Variants in DNAH10 observed in about 807,000 individuals in gnomAD.
DNAH10 encodes axonemal beta dynein heavy chain 10.
Under a neutral mutation model 506.6 loss-of-function variants are expected in DNAH10, and 348 were observed. The observed-to-expected ratio is 0.69, with a 90% CI of 0.63 to 0.75. The LOEUF (loss-of-function observed/expected upper bound fraction) is 0.75. DNAH10 is among the 30% of genes least tolerant of loss of function. The pLI, the probability that DNAH10 is intolerant of heterozygous loss-of-function variation, is 0.00. For synonymous variants in DNAH10, 2,059 were observed against 2,198.6 expected, an observed-to-expected ratio of 0.94 and a Z score of 1.78; for missense variants, 5,179 against 5,787.1, an observed-to-expected ratio of 0.89 and a Z score of 3.41.
intron 56 of DNAH10, among the ~76,000 whole-genome samples, chr12:123,900,549 C>T (rs1156305215): frequency 6.6e-6 from 1 of 152,324 alleles, no homozygotes; most frequent in East Asian, 1.9e-4. Context: ...GTTTTTCTTT[C>T]CCCATTGCCA....
At chr12:123,860,174 C>CA (rs1951560579) in intron 38 of DNAH10, among the ~76,000 whole-genome samples, 1 of 152,146 alleles carries the variant, frequency 6.6e-6, no homozygotes, top group African/African-American at 2.4e-5. Flanking sequence ...GATAGCCCGG[C>CA]AAAAATCTAA....
Position 123,914,326 on chromosome 12 carries a change from CA to C in DNAH10, c.10353-2del. 1 of 1,610,534 alleles carries C rather than the reference CA, an allele frequency of 6.2e-7. No individual in the cohort carries two copies. On this transcript the variant is annotated splice_acceptor_variant, in intron 60 of 78. Coordinates refer to ENST00000673944, the MANE Select transcript of DNAH10 (RefSeq NM_001372106.1). LOFTEE classifies it high-confidence loss of function. ...CGGCAGCCTCCCTCTCCTCCCGTGC[CA>C]GGTGGCTGAACGACCTGGATGAGCT...
At chr12:123,914,252 C>A in intron 60 of DNAH10, 77 bp from the exon 61 acceptor site, 2 of 1,354,092 alleles carry the variant, frequency 1.5e-6, no homozygotes, top group Non-Finnish European at 2.1e-6. Context: ...AGGTATCAAG[C>A]TGGTTCTTCT....
rs764420816 is a variant in DNAH10 at position 123,909,264 on chromosome 12, G to A, written c.9819G>A (p.Ser3273=). ...ACGTGCCTTGGTTTCTTGCCAGGTC[G>A]TTTGCTAAGCCCCCGAAGCAGGTGC... The part of the protein sequence containing the change: ...LDKSDVTEIR[S]FAKPPKQVQT... Residue 3273 remains serine, a synonymous_variant, in exon 58 of 79, where the codon TCG becomes TCA. Transcript: ENST00000673944. This position sits in a 1 kb window ranked among gnomAD's most constrained non-coding sequence, Gnocchi z 5.4. 11 of 1,612,768 alleles carry A rather than the reference G, an allele frequency of 6.8e-6. No individual in the cohort carries two copies. The East Asian group carries it at 1.3e-4, about 20-fold the overall frequency.
At chr12:123,766,907 T>TC (rs1202144978) in intron 1 of DNAH10, among the ~76,000 whole-genome samples, 1 of 140,508 alleles carries the variant, frequency 7.1e-6, no homozygotes, top group Non-Finnish European at 1.5e-5. Context: ...TTTTCTTTTT[T>TC]CTTTTTTTTT....
At chr12:123,803,495 C>G (rs953888919) in intron 16 of DNAH10, among the ~76,000 whole-genome samples, 166 bp from the exon 17 acceptor site, 1 of 152,166 alleles carries the variant, frequency 6.6e-6, no homozygotes, top group Non-Finnish European at 1.5e-5. Context: ...GTCCCAGTCC[C>G]TTAGGGTTCA....
intron 58 of DNAH10, 22 bp from the exon 59 acceptor site, chr12:123,910,514 A>AT: frequency 6.2e-7 from 1 of 1,602,490 alleles, no homozygotes; most frequent in Non-Finnish European, 8.5e-7. Flanking sequence ...ACTCATAAAA[A>AT]TTATTGCATG....
Position 123,909,484 on chromosome 12 carries a change from G to A in DNAH10, c.9997+42G>A, listed in dbSNP as rs1212328191. 3 of 1,503,272 alleles carry A rather than the reference G, an allele frequency of 2.0e-6. No individual in the cohort carries two copies. Among genetic ancestry groups the A allele is most frequent in the Non-Finnish European group, 1.8e-6 (2 of 1,121,114 alleles). 93.1% of individuals were successfully genotyped at this position (1,503,272 alleles called of 1,614,324 possible). A position where few individuals can be genotyped will look rare whatever the true frequency, so the allele number is the denominator to read the frequency against. ...GTGGGAATCGCCAGGGTGGATCTCG[G>A]TCTGGCATCTCAGGCTCTGGGACAG... On this transcript the variant is annotated intron_variant, in intron 58 of 78. Coordinates refer to ENST00000673944, the MANE Select transcript of DNAH10 (RefSeq NM_001372106.1). The surrounding 1 kb of genome is among the most constrained non-coding windows in gnomAD (Gnocchi z 5.4).
chr12:123,894,831 C>G (rs902902659), intron 54 of DNAH10, 108 bp downstream of exon 54: 1 of 994,876 alleles, frequency 1.0e-6, no homozygotes, highest in Non-Finnish European at 1.5e-6. Context: ...CTGGAAAACC[C>G]TATGGTAACA....
At chr12:123,914,241 A>C in intron 60 of DNAH10, 88 bp from the exon 61 acceptor site, 5 of 1,212,178 alleles carry the variant, frequency 4.1e-6, no homozygotes, top group Non-Finnish European at 5.8e-6. Flanking sequence ...CCCTGTTAGC[A>C]AGGTATCAAG....
At chr12:123,791,588 T>G (rs1009144378) in intron 11 of DNAH10, among the ~76,000 whole-genome samples, 1 of 152,196 alleles carries the variant, frequency 6.6e-6, no homozygotes, top group Non-Finnish European at 1.5e-5. Context: ...TTATTTTTTA[T>G]TTTTTAGGGA....
chr12:123,923,962 C>T lies in DNAH10; in HGVS notation c.11611+95C>T, dbSNP rs901843983. The T allele has an allele frequency of 9.2e-6, 9 of 980,140 alleles. No homozygotes were observed. The African/African-American group carries it at 1.5e-4, about 16-fold the overall frequency. The allele number at this position is 980,140 out of a possible 1,614,324, so 60.7% of individuals were successfully genotyped here. A position where few individuals can be genotyped will look rare whatever the true frequency, so the allele number is the denominator to read the frequency against. On this transcript the variant is annotated intron_variant, in intron 66 of 78. Coordinates refer to ENST00000673944, the MANE Select transcript of DNAH10 (RefSeq NM_001372106.1). ...GTTGAAACAAACAATAACAAAAATT[C>T]TCCTTAAAACTTGGCTTCCAACAGC...
chr12:123,842,394 A>G (rs1325085981), intron 30 of DNAH10, among the ~76,000 whole-genome samples: 1 of 152,228 alleles, frequency 6.6e-6, no homozygotes, highest in African/African-American at 2.4e-5. Flanking sequence ...CAGTCCAACT[A>G]GAAATACAGA....
chr12:123,801,379 A>G lies in DNAH10; in HGVS notation c.2561A>G (p.Glu854Gly), dbSNP rs1958477019. Residue 854 changes from glutamate (E) to glycine (G), a missense_variant, in exon 16 of 79, where the codon GAA becomes GGA. This residue lies in a region of DNAH10 where 4,844 missense variants were observed against 5,430.5 expected (regional missense o/e 0.89). Coordinates refer to ENST00000673944, the MANE Select transcript of DNAH10 (RefSeq NM_001372106.1). ...ESVLLKDHSQ[E>G]LLRVFRSGYK... is the part of the protein sequence containing the mutation. ...GTGCTTCTCAAAGATCATTCCCAGG[A>G]ACTGCTCCGAGTGTTTAGGTCGGGA... The G allele has an allele frequency of 1.2e-6, 2 of 1,614,042 alleles. No individual in the cohort carries two copies. The highest frequency in any genetic ancestry group is 2.7e-5 in the African/African-American group (2 of 74,908).
chr12:123,896,132 CACACACACACACACACAGAGAGAG>C (rs1953215930), intron 54 of DNAH10, among the ~76,000 whole-genome samples: 1 of 109,708 alleles, frequency 9.1e-6, no homozygotes, highest in African/African-American at 5.2e-5. Context: ...CACACACACA[CACACACACACACACACAGAGAGAG>C]AGAGAGAGAG....
chr12:123,784,528 C>T (rs556733161), intron 8 of DNAH10, among the ~76,000 whole-genome samples: 1 of 152,188 alleles, frequency 6.6e-6, no homozygotes, highest in African/African-American at 2.4e-5. Flanking sequence ...GCCTGGGCAA[C>T]ATAGCGAGAC....
At chr12:123,820,250 G>A (rs1257684700) in intron 23 of DNAH10, among the ~76,000 whole-genome samples, 1 of 152,158 alleles carries the variant, frequency 6.6e-6, no homozygotes, top group East Asian at 1.9e-4. Flanking sequence ...GAGTGGTAAG[G>A]GAGTTATCAG....
In DNAH10 at chr12:123,787,636, C is replaced by T. The variant is rs549551429; in HGVS notation, c.1422-168C>T. Among the ~76,000 whole-genome samples, 1 of 152,366 alleles carries T rather than the reference C, an allele frequency of 6.6e-6. No individual in the cohort carries two copies. The highest frequency in any genetic ancestry group is 1.5e-5 in the Non-Finnish European group (1 of 68,036). On this transcript the variant is annotated intron_variant, in intron 9 of 78. Coordinates refer to ENST00000673944, the MANE Select transcript of DNAH10 (RefSeq NM_001372106.1). The surrounding 1 kb of genome is among the most constrained non-coding windows in gnomAD (Gnocchi z 4.6). ...GCAGCTTGGGACTCCCGCCCTTGCA[C>T]ATGGGACAGGGCAGCCGCTTGCCCG...
At chr12:123,767,515 C>A in intron 1 of DNAH10, 91 bp from the exon 2 acceptor site, 1 of 1,258,958 alleles carries the variant, frequency 7.9e-7, no homozygotes, top group Non-Finnish European at 1.1e-6. Flanking sequence ...ACATACCAAC[C>A]CCTTGGCTCC....
Sources: gnomAD v4.1 joint callset for allele counts (sites outside exome capture counted in the v4.1 genomes callset) on GRCh38, gnomAD v4.1.1 for gene constraint, gnomAD v4.1.1 regional missense constraint, Gnocchi (gnomAD v3.1) non-coding constraint, MANE v1.5 for transcripts, NCBI Gene and HGNC (gene_info 2026-07-23, HGNC 2026-07-21) for gene names.